Variants in PNPLA2 observed in about 807,000 individuals in gnomAD.
PNPLA2 encodes patatin like domain 2, triacylglycerol lipase.
A neutral mutation model predicts 39.7 loss-of-function variants in PNPLA2; 28 were observed. The observed-to-expected ratio is 0.70, with a 90% CI of 0.52 to 0.97. The LOEUF is 0.97. Ranked by LOEUF, PNPLA2 falls within the 50% of genes least tolerant of loss-of-function variation. The pLI is 0.00. For missense variants in PNPLA2, 768 were observed against 698.2 expected (o/e 1.10, Z -1.13); for synonymous variants, 392 against 321.1 (o/e 1.22, Z -2.36).
chr11:824,715 C>A lies in PNPLA2; in HGVS notation c.1368C>A (p.Pro456=). ...GLFCTNVAFP[P]EALRMRAPAD... ...TCTGCACCAACGTGGCCTTCCCGCC[C>A]GAAGCTCTGCGCATGCGCGCACCCG... Residue 456 remains proline (P), a synonymous_variant, in exon 10 of 10, where the codon CCC becomes CCA. Coordinates refer to ENST00000336615, the MANE Select transcript of PNPLA2 (RefSeq NM_020376.4). 1.9e-6 allele frequency: 3 copies of A among 1,587,614 alleles called. No homozygotes were observed. Among genetic ancestry groups the A allele is most frequent in the East Asian group, 2.3e-5 (1 of 44,020 alleles).
Position 821,669 on chromosome 11 carries a change from C to G in PNPLA2, c.229C>G (p.Arg77Gly), listed in dbSNP as rs769223022. 6.2e-7 allele frequency: 1 copy of G among 1,613,866 alleles called. No homozygotes were observed. The stretch of plus-strand genomic sequence containing the variant: ...GTTCATTGAGGTATCTAAAGAGGCC[C>G]GGAAGCGGTTCCTGGGCCCCCTGCA... ...AKFIEVSKEA[R>G]KRFLGPLHPS... The change falls in exon 3 of 10, where the codon CGG becomes GGG. Residue 77 changes from arginine to glycine, a missense_variant. Physicochemically the swap from Arg to Gly is moderately radical, Grantham distance 125. Transcript: ENST00000336615.
Position 819,765 on chromosome 11 carries a change from G to A in PNPLA2, c.47G>A (p.Gly16Asp). The A allele has an allele frequency of 1.3e-6, 2 of 1,514,594 alleles. No individual in the cohort carries two copies. The highest frequency in any genetic ancestry group is 1.9e-4 in the Middle Eastern group (1 of 5,272). 93.8% of individuals were successfully genotyped at this position (1,514,594 alleles called of 1,614,324 possible). A position where few individuals can be genotyped will look rare whatever the true frequency, so the allele number is the denominator to read the frequency against. Reference sequence around the variant, plus strand: ...TGGAACATCTCGTTCGCGGGCTGCGGCTTCCTCGGCGTCTACTACGTCGGC... The same window carrying A: ...TGGAACATCTCGTTCGCGGGCTGCGACTTCCTCGGCGTCTACTACGTCGGC... ...KTWNISFAGC[G>D]FLGVYYVGVA... The change falls in exon 2 of 10, where the codon GGC becomes GAC. Residue 16 changes from glycine to aspartate, a missense_variant. Coordinates refer to ENST00000336615, the MANE Select transcript of PNPLA2 (RefSeq NM_020376.4).
Position 819,695 on chromosome 11 carries a change from CG to C in PNPLA2, c.-20del. The C allele has an allele frequency of 4.7e-6, 7 of 1,475,104 alleles. No individual in the cohort carries two copies. The highest frequency in any genetic ancestry group is 4.5e-6 in the Non-Finnish European group (5 of 1,114,098). The allele number at this position is 1,475,104 out of a possible 1,614,324, so 91.4% of individuals were successfully genotyped here. ...CAGAGGCCTGGCCGCCCACGGAACC[CG>C]GGGCCCGGCGGCCGCCGCCGCGATG... On this transcript the variant is annotated 5_prime_UTR_variant, in exon 2 of 10. Coordinates refer to ENST00000336615, the MANE Select transcript of PNPLA2 (RefSeq NM_020376.4).
In PNPLA2 at chr11:823,816, G is replaced by C. The variant is rs770566117; in HGVS notation, c.880G>C (p.Asp294His). ...AEDYSQLPGE[D>H]HILEHLPARL... ...GGATTACTCGCAGCTGCCCGGAGAAGATCACATCCTGGAGCACCTGCCCGC... is the reference window on the plus strand; with the variant it reads ...GGATTACTCGCAGCTGCCCGGAGAACATCACATCCTGGAGCACCTGCCCGC... The change falls in exon 7 of 10, where the codon GAT becomes CAT. Residue 294 changes from aspartate (D) to histidine (H), a missense_variant. Transcript: ENST00000336615. The C allele has an allele frequency of 3.1e-6, 5 of 1,600,504 alleles. No homozygotes were observed. Among genetic ancestry groups the C allele is most frequent in the Non-Finnish European group, 4.3e-6 (5 of 1,174,430 alleles).
intron 4 of PNPLA2, 60 bp downstream of exon 4, chr11:822,083 G>C: frequency 1.1e-5 from 17 of 1,478,730 alleles, no homozygotes; most frequent in Non-Finnish European, 1.5e-5. Flanking sequence ...AGGGACAGAG[G>C]AGGAGGCCGC....
chr11:824,713 C>T lies in PNPLA2; in HGVS notation c.1366C>T (p.Pro456Ser). 2 of 1,589,986 alleles carry T rather than the reference C, an allele frequency of 1.3e-6. No individual in the cohort carries two copies. The highest frequency in any genetic ancestry group is 1.7e-6 in the Non-Finnish European group (2 of 1,175,554). ...GLFCTNVAFPPEALRMRAPAD... is the reference protein window; with the variant it reads ...GLFCTNVAFPSEALRMRAPAD... ...CTTCTGCACCAACGTGGCCTTCCCG[C>T]CCGAAGCTCTGCGCATGCGCGCACC... The change falls in exon 10 of 10, where the codon CCC becomes TCC. Residue 456 changes from proline (P) to serine (S), a missense_variant. Transcript: ENST00000336615.
chr11:823,987 C>T lies in PNPLA2; in HGVS notation c.920-11C>T. ...GCCTCCACTGGCCGCCGACCTCCCG[C>T]CCACCCGCAGCCCTGCTGGAGGCCT... On this transcript the variant is annotated splice_polypyrimidine_tract_variant and intron_variant, in intron 7 of 9. Coordinates refer to ENST00000336615, the MANE Select transcript of PNPLA2 (RefSeq NM_020376.4). 6.3e-7 allele frequency: 1 copy of T among 1,598,620 alleles called. No homozygotes were observed. The highest frequency in any genetic ancestry group is 8.5e-7 in the Non-Finnish European group (1 of 1,174,590).
rs1250160278 is a variant in PNPLA2, at chr11:823,524, C to T, written c.697-3C>T. On this transcript the variant is annotated splice_polypyrimidine_tract_variant and splice_region_variant and intron_variant, in intron 5 of 9. Coordinates refer to ENST00000336615, the MANE Select transcript of PNPLA2 (RefSeq NM_020376.4). ...CCGCTCCATTTAACCCTCCTCACTG[C>T]AGGTGCTGCGAGAGATGTGCAAGCA... 2 of 1,607,492 alleles carry T rather than the reference C, an allele frequency of 1.2e-6. No homozygotes were observed. Among genetic ancestry groups the T allele is most frequent in the South Asian group, 1.1e-5 (1 of 89,804 alleles).
Position 824,738 on chromosome 11 carries a change from C to G in PNPLA2, c.1391C>G (p.Pro464Arg), listed in dbSNP as rs1471945299. 7 of 1,577,340 alleles carry G rather than the reference C, an allele frequency of 4.4e-6. No homozygotes were observed. The highest frequency in any genetic ancestry group is 6.0e-6 in the Non-Finnish European group (7 of 1,169,406). ...CCCGAAGCTCTGCGCATGCGCGCACCCGCCGACCCGGCTCCCGCCCCCGCG... is the reference window on the plus strand; with the variant it reads ...CCCGAAGCTCTGCGCATGCGCGCACGCGCCGACCCGGCTCCCGCCCCCGCG... ...FPPEALRMRA[P>R]ADPAPAPADP... The change falls in exon 10 of 10, where the codon CCC becomes CGC. Residue 464 changes from proline to arginine, a missense_variant. Physicochemically the swap from Pro to Arg is moderately radical, Grantham distance 103. Transcript: ENST00000336615.
At chr11:822,258 G>A in intron 4 of PNPLA2, 139 bp from the exon 5 acceptor site, 2 of 855,104 alleles carry the variant, frequency 2.3e-6, no homozygotes, top group Admixed American at 1.9e-5. Context: ...CTGGCCCACA[G>A]CCAGTGCCCA....
intron 5 of PNPLA2, among the ~76,000 whole-genome samples, chr11:823,148 C>G (rs1056515718): frequency 1.3e-5 from 2 of 152,110 alleles, no homozygotes; most frequent in African/African-American, 2.4e-5. Context: ...AGCTCCACCT[C>G]CCGGGTTCCT....
In PNPLA2 at chr11:825,103, A is replaced by C; in HGVS notation, c.*241A>C. On this transcript the variant is annotated 3_prime_UTR_variant, in exon 10 of 10. Coordinates refer to ENST00000336615, the MANE Select transcript of PNPLA2 (RefSeq NM_020376.4). ...GCCCGAGCACCTCCCCCGCCCCTTT[A>C]CTCCTGAGAACTTTGCAGCTGCCCT... is the stretch of plus-strand genomic sequence containing the variant. 1.3e-5 allele frequency: 7 copies of C among 551,060 alleles called. No individual in the cohort carries two copies. Among genetic ancestry groups the C allele is most frequent in the East Asian group, 3.2e-5 (1 of 31,574 alleles). 34.1% of individuals were successfully genotyped at this position (551,060 alleles called of 1,614,324 possible).
chr11:819,433 C>G (rs1269703638), intron 1 of PNPLA2, 141 bp from the exon 2 acceptor site: 5 of 1,152,174 alleles, frequency 4.3e-6, no homozygotes, highest in Non-Finnish European at 3.2e-6. Context: ...GGGGCTCCAG[C>G]GCGGGGGGCC....
At chr11:822,660 A>G in intron 5 of PNPLA2, 54 bp downstream of exon 5, 2 of 1,396,518 alleles carry the variant, frequency 1.4e-6, no homozygotes, top group South Asian at 1.2e-5. Flanking sequence ...ACTGGGCACC[A>G]AGGGAGAACA....
intron 1 of PNPLA2, 82 bp from the exon 2 acceptor site, chr11:819,492 C>T (rs967931017): frequency 2.4e-6 from 3 of 1,234,700 alleles, no homozygotes; most frequent in Non-Finnish European, 3.0e-6. Context: ...TCCCTGCGCG[C>T]CCCGATTGGT....
In PNPLA2 at chr11:822,522, G is replaced by GC. The variant is rs796065308; in HGVS notation, c.613dup (p.Leu205ProfsTer102). The GC allele has an allele frequency of 6.2e-6, 10 of 1,613,980 alleles. No individual in the cohort carries two copies. Among genetic ancestry groups the GC allele is most frequent in the Non-Finnish European group, 8.5e-6 (10 of 1,180,040 alleles). On this transcript the variant is annotated frameshift_variant, in exon 5 of 10. Transcript: ENST00000336615. LOFTEE classifies it high-confidence loss of function. Reference sequence around the variant, plus strand: ...AGGACAGCTCCACCAACATCCACGAGCTGCGGGTCACCAACACCAGCATCC... The same window carrying GC: ...AGGACAGCTCCACCAACATCCACGAGCCTGCGGGTCACCAACACCAGCATCC...
rs1845604851 is a variant in PNPLA2 at position 819,730 on chromosome 11, C to G, written c.12C>G (p.Arg4=). 1 of 1,492,964 alleles carries G rather than the reference C, an allele frequency of 6.7e-7. No homozygotes were observed. Among genetic ancestry groups the G allele is most frequent in the Non-Finnish European group, 8.9e-7 (1 of 1,121,258 alleles). The allele number at this position is 1,492,964 out of a possible 1,614,324, so 92.5% of individuals were successfully genotyped here. MFP[R]EKTWNISFAG... ...CGGCCGCCGCCGCGATGTTTCCCCG[C>G]GAGAAGACGTGGAACATCTCGTTCG... Residue 4 remains arginine, a synonymous_variant, in exon 2 of 10, where the codon CGC becomes CGG. Coordinates refer to ENST00000336615, the MANE Select transcript of PNPLA2 (RefSeq NM_020376.4).
At position 825,044 on chromosome 11, in the gene PNPLA2, C is replaced by G. The variant is rs1207772284; in HGVS notation, c.*182C>G. 4.6e-6 allele frequency: 3 copies of G among 646,226 alleles called. No individual in the cohort carries two copies. The highest frequency in any genetic ancestry group is 2.8e-5 in the East Asian group (1 of 36,050). The allele number at this position is 646,226 out of a possible 1,614,324, so 40.0% of individuals were successfully genotyped here. On this transcript the variant is annotated 3_prime_UTR_variant, in exon 10 of 10. Transcript: ENST00000336615. ...CCTCCCCTGGGCCGCTGAGGCCCCG[C>G]GCACCTGTGCCTTAATCTTCCCTCC...
At chr11:823,371 C>T (rs1265416757) in intron 5 of PNPLA2, among the ~76,000 whole-genome samples, 156 bp from the exon 6 acceptor site, 1 of 152,142 alleles carries the variant, frequency 6.6e-6, no homozygotes, top group Admixed American at 6.5e-5. Flanking sequence ...GTCCAACCTC[C>T]CTGTACAGCT....
Sources: allele counts gnomAD v4.1 joint callset (sites outside exome capture counted in the v4.1 genomes callset), GRCh38; gene constraint gnomAD v4.1.1; transcripts MANE v1.5; gene names NCBI Gene and HGNC (gene_info 2026-07-23, HGNC 2026-07-21).